TLK1: variants seen among roughly 807,000 people sequenced by gnomAD.
TLK1 encodes tousled like kinase 1, also known as serine/threonine-protein kinase tousled-like 1.
In TLK1, 24 loss-of-function variants were observed where a neutral mutation model predicts 105.3. That is an observed-to-expected ratio of 0.23 (90% CI 0.17 to 0.32). The LOEUF is 0.32. Among genes scored for constraint, TLK1 ranks in the 10% least tolerant of loss-of-function variants. The pLI, the probability that TLK1 is intolerant of heterozygous loss-of-function variation, is 1.00. For missense variants in TLK1, 558 were observed against 910.5 expected, an observed-to-expected ratio of 0.61 and a Z score of 4.98; for synonymous variants, 321 against 310.4, an observed-to-expected ratio of 1.03 and a Z score of -0.36.
chr2:170,998,804 T>C lies in TLK1; in HGVS notation c.1905-981A>G, dbSNP rs193271259. Reference sequence around the variant, plus strand: ...TTTTTTTTGATACAGGGTCCAACTCTGTCACCCAGGCTGGAGTACAGTGGT... The same window carrying C: ...TTTTTTTTGATACAGGGTCCAACTCCGTCACCCAGGCTGGAGTACAGTGGT... On this transcript the variant is annotated intron_variant, in intron 18 of 20. Transcript: ENST00000431350. 3.0e-3 allele frequency among the ~76,000 whole-genome samples: 451 copies of C among 152,310 alleles called. 4 individuals are homozygous for C. The highest frequency in any genetic ancestry group is 0.01 in the African/African-American group (430 of 41,558).
At chr2:171,013,820 C>CA (rs1685045754) in intron 13 of TLK1, among the ~76,000 whole-genome samples, 2 of 152,270 alleles carry the variant, frequency 1.3e-5, no homozygotes, top group South Asian at 4.1e-4. Context: ...CATGACCAGT[C>CA]AAAGATGAAG....
chr2:171,018,254 C>G (rs1285987366), intron 12 of TLK1, among the ~76,000 whole-genome samples: 1 of 152,208 alleles, frequency 6.6e-6, no homozygotes, highest in African/African-American at 2.4e-5. Context: ...TGCAAGCCAG[C>G]AAGAGAGCCC....
intron 2 of TLK1, among the ~76,000 whole-genome samples, chr2:171,087,942 G>A (rs1376459820): frequency 1.3e-5 from 2 of 152,148 alleles, no homozygotes; most frequent in Non-Finnish European, 2.9e-5. Flanking sequence ...TAGCAGCCAA[G>A]CTTTTACTCC....
intron 1 of TLK1, among the ~76,000 whole-genome samples, chr2:171,186,475 G>A (rs1268784617): frequency 6.6e-6 from 1 of 152,204 alleles, no homozygotes; most frequent in Admixed American, 6.5e-5. Context: ...AGCCAGAGAT[G>A]CTAAATATCC....
Position 170,993,686 on chromosome 2 carries a change from A to AAAAG in TLK1, c.*93_*94insCTTT, listed in dbSNP as rs1553602289. ...TCTTGTGTAAAAAAAAAAAAAAAAA[A>AAAAG]AAAAGAAAAAGAAAACAAACACTCA... On this transcript the variant is annotated 3_prime_UTR_variant, in exon 21 of 21. Transcript: ENST00000431350. 3.0e-6 allele frequency: 3 copies of AAAAG among 1,000,976 alleles called. No individual in the cohort carries two copies. The highest frequency in any genetic ancestry group is 1.7e-5 in the African/African-American group (1 of 58,186). 62.0% of individuals were successfully genotyped at this position (1,000,976 alleles called of 1,614,324 possible). A position where few individuals can be genotyped will look rare whatever the true frequency, so the allele number is the denominator to read the frequency against.
intron 6 of TLK1, 31 bp from the exon 7 acceptor site, chr2:171,055,203 C>CAA (rs71399594): frequency 0.035 from 18,013 of 514,192 alleles, 79 homozygotes; most frequent in African/African-American, 0.044. Flanking sequence ...TTTATATTAG[C>CAA]AAAAAAAAAA....
At chr2:171,048,231 G>T (rs548222082) in intron 10 of TLK1, among the ~76,000 whole-genome samples, 2 of 152,320 alleles carry the variant, frequency 1.3e-5, no homozygotes, top group African/African-American at 4.8e-5. Context: ...TTACAGGCGT[G>T]AGCCACTGCA....
At chr2:171,098,226 A>AT (rs1689534846) in intron 2 of TLK1, among the ~76,000 whole-genome samples, 1 of 152,140 alleles carries the variant, frequency 6.6e-6, no homozygotes, top group Admixed American at 6.5e-5. Flanking sequence ...TACACTTGAA[A>AT]TTTGCTAAGA....
At chr2:171,011,237 G>T in intron 14 of TLK1, 136 bp downstream of exon 14, 1 of 636,148 alleles carries the variant, frequency 1.6e-6, no homozygotes, top group Non-Finnish European at 2.4e-6. Flanking sequence ...CTGGCCTCAG[G>T]CACCCTCCCA....
At chr2:171,043,618 G>T (rs1686798142) in intron 11 of TLK1, among the ~76,000 whole-genome samples, 1 of 152,134 alleles carries the variant, frequency 6.6e-6, no homozygotes, top group Non-Finnish European at 1.5e-5. Context: ...GTAAAAGACA[G>T]CATTAACTTG....
Position 171,096,119 on chromosome 2 carries a change from T to A in TLK1, c.259-13267A>T, listed in dbSNP as rs74453493. Among the ~76,000 whole-genome samples the A allele has an allele frequency of 4.7e-3, 717 of 152,306 alleles. 6 individuals carry two copies. The highest frequency in any genetic ancestry group is 0.016 in the African/African-American group (680 of 41,564). ...TTTGCAGATGACATAATTGTATATA[T>A]GGATAACCCTGAAGATTCCACCAAG... On this transcript the variant is annotated intron_variant, in intron 2 of 20. Transcript: ENST00000431350.
chr2:171,061,611 A>G (rs1370476443), intron 3 of TLK1, among the ~76,000 whole-genome samples: 1 of 152,174 alleles, frequency 6.6e-6, no homozygotes, highest in African/African-American at 2.4e-5. Context: ...TGATATACAC[A>G]ATCCCTACTA....
intron 11 of TLK1, among the ~76,000 whole-genome samples, chr2:171,035,106 C>T (rs925528044): frequency 6.6e-6 from 1 of 151,960 alleles, no homozygotes; most frequent in African/African-American, 2.4e-5. Context: ...TTTGGGAAGC[C>T]GAGGAGGGTG....
chr2:170,991,685 A>C lies in TLK1; in HGVS notation c.*2095T>G, dbSNP rs1274056418. ...TCTCTAGGTCTATACTACTTAACTT[A>C]CTGAACCTCAAAGTTAGATTTACAC... On this transcript the variant is annotated 3_prime_UTR_variant, in exon 21 of 21. Coordinates refer to ENST00000431350, the MANE Select transcript of TLK1 (RefSeq NM_012290.5). 2.0e-5 allele frequency: 3 copies of C among 152,192 alleles called. No individual in the cohort carries two copies. Among genetic ancestry groups the C allele is most frequent in the Admixed American group, 6.5e-5 (1 of 15,276 alleles). 9.4% of individuals were successfully genotyped at this position (152,192 alleles called of 1,614,324 possible). A position where few individuals can be genotyped will look rare whatever the true frequency, so the allele number is the denominator to read the frequency against.
chr2:171,101,548 G>T (rs1272606947), intron 2 of TLK1, among the ~76,000 whole-genome samples: 1 of 152,116 alleles, frequency 6.6e-6, no homozygotes, highest in Non-Finnish European at 1.5e-5. Context: ...ATGTTTTAGA[G>T]TTCGACAGTG....
At chr2:171,196,542 G>A (rs916806223) in intron 1 of TLK1, among the ~76,000 whole-genome samples, 6 of 152,236 alleles carry the variant, frequency 3.9e-5, no homozygotes, top group Non-Finnish European at 5.9e-5. Context: ...AATTGACATG[G>A]TTACTTGGTT....
chr2:171,086,248 A>C (rs1404213706), intron 2 of TLK1, among the ~76,000 whole-genome samples: 2 of 152,134 alleles, frequency 1.3e-5, no homozygotes, highest in Non-Finnish European at 2.9e-5. Flanking sequence ...ATAACTATAT[A>C]TAAATCCTGG....
intron 1 of TLK1, among the ~76,000 whole-genome samples, chr2:171,192,634 C>T (rs1344956276): frequency 6.6e-6 from 1 of 152,052 alleles, no homozygotes; most frequent in African/African-American, 2.4e-5. Flanking sequence ...GAGCTGAGAT[C>T]ATGCCACTGC....
At chr2:171,124,643 T>C (rs116736329) in intron 1 of TLK1, among the ~76,000 whole-genome samples, 2,459 of 152,320 alleles carry the variant, frequency 0.016, 63 homozygotes, top group African/African-American at 0.053. Context: ...TGAATAACAA[T>C]GAATAACCAT....
Sources: gnomAD v4.1 joint callset for allele counts (sites outside exome capture counted in the v4.1 genomes callset) on GRCh38, gnomAD v4.1.1 for gene constraint, MANE v1.5 for transcripts, NCBI Gene and HGNC (gene_info 2026-07-23, HGNC 2026-07-21) for gene names.